ORC5: variants seen among roughly 807,000 people sequenced by gnomAD.
ORC5 encodes the protein protein phosphatase 1, regulatory subunit 117.
Under a neutral mutation model 58.8 loss-of-function variants are expected in ORC5, and 39 were observed. The observed-to-expected ratio is 0.66, with a 90% CI of 0.51 to 0.87. ORC5 has a LOEUF of 0.87. ORC5 is among the 40% of genes least tolerant of loss of function. The probability of loss-of-function intolerance (pLI) is 0.00; values close to 1 mark genes in which losing one functional copy is unlikely to be tolerated. For missense variants in ORC5, 493 were observed against 506.3 expected (o/e 0.97, Z 0.25); for synonymous variants, 218 against 177.6 (o/e 1.23, Z -1.81).
intron 12 of ORC5, among the ~76,000 whole-genome samples, chr7:104,147,686 C>A (rs1027633976): frequency 1.3e-5 from 2 of 152,128 alleles, no homozygotes; most frequent in Admixed American, 6.5e-5. Flanking sequence ...AAAAATAATA[C>A]AACACATATG....
chr7:104,179,539 GTT>G (rs199698766), intron 8 of ORC5, among the ~76,000 whole-genome samples: 1 of 147,150 alleles, frequency 6.8e-6, no homozygotes, highest in African/African-American at 2.5e-5. Flanking sequence ...TTAGAAAGAA[GTT>G]TTTTTTTTTC....
At chr7:104,187,907 C>G in intron 6 of ORC5, 1 of 993,394 alleles carries the variant, frequency 1.0e-6, no homozygotes, top group Non-Finnish European at 1.2e-6. Context: ...TAAAACTGCT[C>G]AAGTTTTTAC....
Position 104,149,919 on chromosome 7 carries a change from T to C in ORC5, c.1149+11153A>G, listed in dbSNP as rs536617984. 1.2e-4 allele frequency among the ~76,000 whole-genome samples: 19 copies of C among 152,354 alleles called. No homozygotes were observed. In the South Asian group the frequency reaches 3.9e-3, roughly 32 times the overall value. ...TTTCTGTGTACAATATTTTTAGATT[T>C]ACATCCTAAATGGGGTTATACAATA... On this transcript the variant is annotated intron_variant, in intron 12 of 13. Transcript: ENST00000297431.
At chr7:104,163,180 C>T (rs759458703) in intron 11 of ORC5, among the ~76,000 whole-genome samples, 1 of 152,192 alleles carries the variant, frequency 6.6e-6, no homozygotes, top group Non-Finnish European at 1.5e-5. Context: ...AGAGTCAGTG[C>T]TATGTGTCTG....
At chr7:104,167,605 G>T (rs1314880507) in intron 9 of ORC5, among the ~76,000 whole-genome samples, 1 of 152,148 alleles carries the variant, frequency 6.6e-6, no homozygotes, top group East Asian at 1.9e-4. Context: ...AAACAGTAGG[G>T]TCATTCAAGT....
At chr7:104,176,449 ATC>A (rs1799322907) in intron 8 of ORC5, among the ~76,000 whole-genome samples, 1 of 152,208 alleles carries the variant, frequency 6.6e-6, no homozygotes, top group African/African-American at 2.4e-5. Context: ...GGTGTCTGCT[ATC>A]TGTCATGTGA....
At chr7:104,157,416 T>A (rs1248759519) in intron 12 of ORC5, among the ~76,000 whole-genome samples, 3 of 152,192 alleles carry the variant, frequency 2.0e-5, no homozygotes, top group South Asian at 4.1e-4. Flanking sequence ...ATACTTTAAA[T>A]ATACAAATTT....
chr7:104,174,746 G>A (rs558496443), intron 8 of ORC5, among the ~76,000 whole-genome samples: 10 of 152,290 alleles, frequency 6.6e-5, no homozygotes, highest in Admixed American at 2.6e-4. Flanking sequence ...GTAAGCTCAG[G>A]CATGTGCAGT....
At chr7:104,200,296 A>G (rs970970995) in intron 3 of ORC5, among the ~76,000 whole-genome samples, 2 of 152,288 alleles carry the variant, frequency 1.3e-5, no homozygotes, top group East Asian at 3.9e-4. Flanking sequence ...AATCTGCCCA[A>G]CCTATCTTCC....
rs186586817 is a variant in ORC5, at chr7:104,176,527, T to C, written c.824+7416A>G. Among the ~76,000 whole-genome samples the C allele has an allele frequency of 2.5e-4, 37 of 150,874 alleles. No homozygotes were observed. In the East Asian group the frequency reaches 6.6e-3, roughly 27 times the overall value. Reference sequence around the variant, plus strand: ...CACAAAGAGTCTGTTTTGTCAGTCTTACGATCTCTCTGCTTTAATGTTAAT... The same window carrying C: ...CACAAAGAGTCTGTTTTGTCAGTCTCACGATCTCTCTGCTTTAATGTTAAT... On this transcript the variant is annotated intron_variant, in intron 8 of 13. Transcript: ENST00000297431.
intron 12 of ORC5, among the ~76,000 whole-genome samples, chr7:104,141,824 G>A (rs754886634): frequency 5.9e-5 from 9 of 152,054 alleles, no homozygotes; most frequent in Non-Finnish European, 1.3e-4. Flanking sequence ...AATTCAAGAC[G>A]ACACAAATAA....
At chr7:104,161,836 A>G (rs1430880307) in intron 11 of ORC5, among the ~76,000 whole-genome samples, 2 of 152,188 alleles carry the variant, frequency 1.3e-5, no homozygotes, top group Non-Finnish European at 2.9e-5. Context: ...ATTTTGCCAA[A>G]TCCAAGATAA....
intron 12 of ORC5, among the ~76,000 whole-genome samples, chr7:104,149,033 CAAAA>C (rs35619742): frequency 5.7e-5 from 7 of 122,796 alleles, no homozygotes; most frequent in East Asian, 2.4e-4. Flanking sequence ...GACTCCGTCT[CAAAA>C]AAAAAAAAAA....
chr7:104,174,485 T>G (rs1799280562), intron 8 of ORC5, among the ~76,000 whole-genome samples: 1 of 152,204 alleles, frequency 6.6e-6, no homozygotes, highest in Admixed American at 6.5e-5. Flanking sequence ...GGACTGTTCT[T>G]GGGCATATTT....
intron 12 of ORC5, among the ~76,000 whole-genome samples, chr7:104,142,386 C>G (rs1219205381): frequency 6.6e-6 from 1 of 151,878 alleles, no homozygotes; most frequent in Non-Finnish European, 1.5e-5. Flanking sequence ...CAAAAATAAA[C>G]AAATGAGACT....
chr7:104,172,274 CATT>C (rs1028489648), intron 8 of ORC5, among the ~76,000 whole-genome samples: 6 of 152,210 alleles, frequency 3.9e-5, no homozygotes, highest in Admixed American at 2.6e-4. Flanking sequence ...GAAGTCCTTT[CATT>C]ATTATGTAAG....
intron 11 of ORC5, among the ~76,000 whole-genome samples, chr7:104,163,426 T>C (rs17159657): frequency 0.045 from 6,781 of 152,300 alleles, 499 homozygotes; most frequent in African/African-American, 0.15. Flanking sequence ...TTCACAGTTA[T>C]GTTGTAAGCA....
intron 1 of ORC5, among the ~76,000 whole-genome samples, chr7:104,206,434 T>C (rs1800085411): frequency 6.6e-6 from 1 of 152,232 alleles, no homozygotes; most frequent in Admixed American, 6.5e-5. Context: ...CTCATCCCTA[T>C]TTGCCAATTT....
chr7:104,151,117 GAA>G (rs1279972387), intron 12 of ORC5, among the ~76,000 whole-genome samples: 2 of 152,118 alleles, frequency 1.3e-5, no homozygotes, highest in Non-Finnish European at 2.9e-5. Context: ...GTGAATGAAG[GAA>G]GTGGTAGAAA....
Sources: allele counts gnomAD v4.1 joint callset (sites outside exome capture counted in the v4.1 genomes callset), GRCh38; gene constraint gnomAD v4.1.1; transcripts MANE v1.5; gene names NCBI Gene and HGNC (gene_info 2026-07-23, HGNC 2026-07-21).